The following NRXN3 variants were observed in gnomAD, a reference collection of about 807,000 sequenced individuals.
The protein encoded by NRXN3 is neurexin 3.
In NRXN3, 32 loss-of-function variants were observed where a neutral mutation model predicts 137.6. That is an observed-to-expected ratio of 0.23 (90% CI 0.18 to 0.31). The LOEUF is 0.31. Among genes scored for constraint, NRXN3 ranks in the 10% least tolerant of loss-of-function variants. The pLI is 1.00. For missense variants in NRXN3, 1,574 were observed against 2,062.5 expected (o/e 0.76, Z 4.59); for synonymous variants, 798 against 784.5 (o/e 1.02, Z -0.29).
chr14:78,739,088 T>A (rs546557863), intron 8 of NRXN3, among the ~76,000 whole-genome samples: 1 of 152,366 alleles, frequency 6.6e-6, no homozygotes, highest in African/African-American at 2.4e-5. Context: ...TCATAAGTTC[T>A]CCATCACACA....
chr14:78,590,069 G>A (rs1178881036), intron 4 of NRXN3, among the ~76,000 whole-genome samples: 1 of 152,220 alleles, frequency 6.6e-6, no homozygotes, highest in East Asian at 1.9e-4. Flanking sequence ...GAATTGTGAA[G>A]TCACAGGATC....
chr14:79,445,339 A>C (rs1007421162), intron 15 of NRXN3, among the ~76,000 whole-genome samples: 2 of 100,142 alleles, frequency 2.0e-5, no homozygotes, highest in Non-Finnish European at 4.7e-5. Flanking sequence ...ACCCCATCTC[A>C]AAAAAAAAAA....
chr14:78,668,918 CTCTA>C lies in NRXN3; in HGVS notation c.1221+17604_1221+17607del, dbSNP rs60427407. Among the ~76,000 whole-genome samples the C allele has an allele frequency of 9.6e-3, 1,436 of 149,708 alleles. 23 individuals carry two copies. Among genetic ancestry groups the C allele is most frequent in the African/African-American group, 0.034 (1,352 of 40,030 alleles). ...GATAATTATAATGCAACATATTAAA[CTCTA>C]TCTATCTATCTGTCTGTCTGTCTGT... On this transcript the variant is annotated intron_variant, in intron 6 of 20. Transcript: ENST00000335750.
intron 15 of NRXN3, among the ~76,000 whole-genome samples, chr14:79,145,245 G>C (rs1259753934): frequency 6.6e-6 from 1 of 152,134 alleles, no homozygotes; most frequent in Non-Finnish European, 1.5e-5. Flanking sequence ...GTATATAACT[G>C]AAATTTTACA....
chr14:78,571,662 G>A (rs1477569941), intron 4 of NRXN3, among the ~76,000 whole-genome samples: 2 of 152,052 alleles, frequency 1.3e-5, no homozygotes, highest in African/African-American at 2.4e-5. Flanking sequence ...AGGTGTGGAG[G>A]TATGCAGGGA....
At chr14:79,778,113 T>C (rs143858462) in intron 19 of NRXN3, among the ~76,000 whole-genome samples, 2 of 152,320 alleles carry the variant, frequency 1.3e-5, no homozygotes, top group East Asian at 3.9e-4. Context: ...TTTGGCTGAA[T>C]TGATATAAGA....
chr14:79,201,823 G>A (rs2066053978), intron 15 of NRXN3, among the ~76,000 whole-genome samples: 1 of 152,158 alleles, frequency 6.6e-6, no homozygotes, highest in Non-Finnish European at 1.5e-5. Context: ...CTTTTGCCAG[G>A]CACTGTTCAA....
chr14:78,558,849 T>C (rs2096761895), intron 4 of NRXN3, among the ~76,000 whole-genome samples: 1 of 152,240 alleles, frequency 6.6e-6, no homozygotes, highest in Non-Finnish European at 1.5e-5. Context: ...CTGTGCTAAG[T>C]GCATTACCTA....
At chr14:78,175,603 T>C (rs1204159075) in intron 1 of NRXN3, among the ~76,000 whole-genome samples, 3 of 152,102 alleles carry the variant, frequency 2.0e-5, no homozygotes, top group Non-Finnish European at 2.9e-5. Flanking sequence ...CTCTGAGCCT[T>C]GAGGGCCAGC....
intron 20 of NRXN3, among the ~76,000 whole-genome samples, chr14:79,846,320 A>T (rs550238485): frequency 6.6e-6 from 1 of 152,352 alleles, no homozygotes; most frequent in African/African-American, 2.4e-5. Flanking sequence ...AATGCTGAAC[A>T]AAAATGTCCC....
intron 4 of NRXN3, among the ~76,000 whole-genome samples, chr14:78,353,233 T>C (rs1433856130): frequency 1.3e-5 from 2 of 152,286 alleles, no homozygotes; most frequent in Admixed American, 6.5e-5. Flanking sequence ...ACACGTTCAC[T>C]TTTCACTGCA....
chr14:79,218,050 A>C (rs1330441638), intron 15 of NRXN3, among the ~76,000 whole-genome samples: 2 of 152,200 alleles, frequency 1.3e-5, no homozygotes, highest in Non-Finnish European at 2.9e-5. Flanking sequence ...AGAAAGCTGA[A>C]AGGGACCTGT....
intron 8 of NRXN3, among the ~76,000 whole-genome samples, chr14:78,733,736 G>A (rs1042048246): frequency 1.7e-4 from 26 of 152,320 alleles, no homozygotes; most frequent in African/African-American, 6.0e-4. Context: ...GGGATACTAT[G>A]TAAGGCTAAT....
At chr14:79,615,706 A>G (rs1354101275) in intron 16 of NRXN3, among the ~76,000 whole-genome samples, 1 of 152,096 alleles carries the variant, frequency 6.6e-6, no homozygotes, top group Admixed American at 6.5e-5. Flanking sequence ...CCCGTATAGA[A>G]CCATCAGCTC....
chr14:78,594,274 G>A (rs902739303), intron 4 of NRXN3, among the ~76,000 whole-genome samples: 5 of 152,158 alleles, frequency 3.3e-5, no homozygotes, highest in Non-Finnish European at 7.4e-5. Flanking sequence ...ACAAGGCGCC[G>A]AGGGGTGCTG....
chr14:79,488,461 T>G (rs989768964), intron 16 of NRXN3, among the ~76,000 whole-genome samples: 25 of 152,048 alleles, frequency 1.6e-4, no homozygotes, highest in African/African-American at 5.8e-4. Context: ...TAAGAATATT[T>G]TGAAGCAAAA....
At chr14:78,567,716 C>A (rs1485791595) in intron 4 of NRXN3, among the ~76,000 whole-genome samples, 1 of 151,812 alleles carries the variant, frequency 6.6e-6, no homozygotes, top group East Asian at 1.9e-4. Flanking sequence ...AGTAAATAAA[C>A]ATTATTATTA....
At chr14:78,232,430 C>T (rs1378380387) in intron 1 of NRXN3, among the ~76,000 whole-genome samples, 2 of 150,856 alleles carry the variant, frequency 1.3e-5, no homozygotes. Flanking sequence ...CTCTCCCCTT[C>T]TCTTACATGT....
intron 15 of NRXN3, among the ~76,000 whole-genome samples, chr14:79,109,446 G>T (rs2053070394): frequency 6.6e-6 from 1 of 152,126 alleles, no homozygotes; most frequent in African/African-American, 2.4e-5. Flanking sequence ...TTTCAGCAAA[G>T]GCAGAAAAGT....
Sources: gnomAD v4.1 joint callset for allele counts (sites outside exome capture counted in the v4.1 genomes callset) on GRCh38, gnomAD v4.1.1 for gene constraint, MANE v1.5 for transcripts, NCBI Gene and HGNC (gene_info 2026-07-23, HGNC 2026-07-21) for gene names.